Variants in TSPEAR observed in about 807,000 individuals in gnomAD.
The protein encoded by TSPEAR is thrombospondin-type laminin G domain and EAR repeat-containing protein.
A neutral mutation model predicts 71.6 loss-of-function variants in TSPEAR; 69 were observed. The ratio of observed to expected loss-of-function variants is 0.96; its 90% CI spans 0.79 to 1.18. TSPEAR has a LOEUF of 1.18. Among genes scored for constraint, TSPEAR ranks in the 50% most tolerant of loss-of-function variants. TSPEAR has a pLI of 0.00. For synonymous variants in TSPEAR, 402 were observed against 387.2 expected (o/e 1.04, Z -0.45); for missense variants, 971 against 894.9 (o/e 1.09, Z -1.09).
At chr21:44,500,358 T>A (rs1282575046) in intron 11 of TSPEAR, among the ~76,000 whole-genome samples, 1 of 152,192 alleles carries the variant, frequency 6.6e-6, no homozygotes, top group Non-Finnish European at 1.5e-5. Flanking sequence ...TGCCCGCTGC[T>A]CTGCGGCCCC....
At chr21:44,631,877 T>C (rs1293575554) in intron 1 of TSPEAR, among the ~76,000 whole-genome samples, 2 of 152,032 alleles carry the variant, frequency 1.3e-5, no homozygotes, top group Non-Finnish European at 2.9e-5. Context: ...AGAAAAATGA[T>C]AGAGACAGAA....
In TSPEAR at chr21:44,623,019, C is replaced by G. The variant is rs1351905701; in HGVS notation, c.83-55014G>C. ...CTTTTGCCATGTGACATGCCCACTC[C>G]CCCTTCACCTTCCACCATGAGCAAA... On this transcript the variant is annotated intron_variant, in intron 1 of 11. Coordinates refer to ENST00000323084, the MANE Select transcript of TSPEAR (RefSeq NM_144991.3). The surrounding 1 kb of genome is among the most constrained non-coding windows in gnomAD (Gnocchi z 4.5). 6.6e-6 allele frequency among the ~76,000 whole-genome samples: 1 copy of G among 152,170 alleles called. No homozygotes were observed. The highest frequency in any genetic ancestry group is 2.4e-5 in the African/African-American group (1 of 41,428).
At chr21:44,530,371 TTCATCCATCACTC>T (rs1555915607) in intron 4 of TSPEAR, among the ~76,000 whole-genome samples, 1 of 151,902 alleles carries the variant, frequency 6.6e-6, no homozygotes, top group African/African-American at 2.4e-5. Context: ...CATCCACCCA[TTCATCCATCACTC>T]ATCCATCCAT....
chr21:44,553,933 A>C (rs887298467), intron 2 of TSPEAR, among the ~76,000 whole-genome samples: 1 of 152,234 alleles, frequency 6.6e-6, no homozygotes, highest in African/African-American at 2.4e-5. Context: ...AAATTATTAC[A>C]TCTTTCTCAA....
chr21:44,708,001 G>A (rs1423947922), intron 1 of TSPEAR, among the ~76,000 whole-genome samples: 2 of 13,190 alleles, frequency 1.5e-4, no homozygotes, highest in Non-Finnish European at 2.8e-4. Context: ...TCCCCGCCCC[G>A]CGCGTGCACA....
chr21:44,504,619 CGGCCTCGGTG>C (rs2052151514), intron 11 of TSPEAR, among the ~76,000 whole-genome samples, 151 bp downstream of exon 11: 1 of 51,858 alleles, frequency 1.9e-5, no homozygotes, highest in Non-Finnish European at 3.6e-5. Flanking sequence ...TGGAGGAGGC[CGGCCTCGGTG>C]AGCCCACAGT....
Position 44,695,207 on chromosome 21 carries a change from G to A in TSPEAR, c.82+16226C>T, listed in dbSNP as rs1555950306. 1.3e-5 allele frequency among the ~76,000 whole-genome samples: 2 copies of A among 152,304 alleles called. No individual in the cohort carries two copies. The highest frequency in any genetic ancestry group is 4.1e-4 in the South Asian group (2 of 4,822). On this transcript the variant is annotated intron_variant, in intron 1 of 11. Coordinates refer to ENST00000323084, the MANE Select transcript of TSPEAR (RefSeq NM_144991.3). This position sits in a 1 kb window ranked among gnomAD's most constrained non-coding sequence, Gnocchi z 4.5. ...CCCCGACCCCACCCCAACTCCTGTGGCTTTGGGGCATTCACACTCTCCTGG... is the reference window on the plus strand; with the variant it reads ...CCCCGACCCCACCCCAACTCCTGTGACTTTGGGGCATTCACACTCTCCTGG...
At chr21:44,709,550 G>T (rs1010154125) in intron 1 of TSPEAR, among the ~76,000 whole-genome samples, 20 of 152,362 alleles carry the variant, frequency 1.3e-4, no homozygotes, top group African/African-American at 4.8e-4. Flanking sequence ...GAAGGCGCAT[G>T]GGCCCCGTGG....
chr21:44,636,400 G>A (rs9284507), intron 1 of TSPEAR, among the ~76,000 whole-genome samples: 94,465 of 152,030 alleles, frequency 0.62, 29,983 homozygotes, highest in Admixed American at 0.68. Context: ...TACAGGTAGG[G>A]GGTGCTGGGT....
At chr21:44,538,084 C>T (rs1247040547) in intron 2 of TSPEAR, among the ~76,000 whole-genome samples, 5 of 152,194 alleles carry the variant, frequency 3.3e-5, no homozygotes, top group African/African-American at 1.2e-4. Context: ...AGCACCATGT[C>T]CATCAGGCTG....
chr21:44,692,057 A>T, intron 1 of TSPEAR, among the ~76,000 whole-genome samples: 1 of 152,216 alleles, frequency 6.6e-6, no homozygotes, highest in Non-Finnish European at 1.5e-5. Context: ...GCTCCAGATT[A>T]AAAATAATCA....
In TSPEAR at chr21:44,711,401, C is replaced by G. The variant is rs916527533; in HGVS notation, c.82+32G>C. 5 of 1,557,000 alleles carry G rather than the reference C, an allele frequency of 3.2e-6. No homozygotes were observed. The highest frequency in any genetic ancestry group is 4.4e-6 in the Non-Finnish European group (5 of 1,148,024). ...CCCCTCCCAGCTCCCCGGCAAGATA[C>G]CCCCGCCCGAGTTCCCATGCCCCTG... is the stretch of plus-strand genomic sequence containing the variant. On this transcript the variant is annotated intron_variant, in intron 1 of 11. Transcript: ENST00000323084. This position sits in a 1 kb window ranked among gnomAD's most constrained non-coding sequence, Gnocchi z 4.5.
chr21:44,562,895 C>T (rs1601420017), intron 2 of TSPEAR, among the ~76,000 whole-genome samples: 1 of 152,096 alleles, frequency 6.6e-6, no homozygotes, highest in African/African-American at 2.4e-5. Flanking sequence ...CAAGTAACTC[C>T]AGACAGAAAT....
At chr21:44,516,968 C>T (rs1442805036) in intron 9 of TSPEAR, among the ~76,000 whole-genome samples, 2 of 152,182 alleles carry the variant, frequency 1.3e-5, no homozygotes, top group Non-Finnish European at 2.9e-5. Flanking sequence ...GCTCCTGCAC[C>T]CTGGGGCTTT....
At chr21:44,636,750 G>T (rs1419131598) in intron 1 of TSPEAR, among the ~76,000 whole-genome samples, 2 of 152,064 alleles carry the variant, frequency 1.3e-5, no homozygotes, top group African/African-American at 4.8e-5. Flanking sequence ...CCTGACCAGG[G>T]CTCCAGGGGA....
At chr21:44,523,859 G>A (rs1465863929) in intron 8 of TSPEAR, among the ~76,000 whole-genome samples, 2 of 151,892 alleles carry the variant, frequency 1.3e-5, no homozygotes, top group Admixed American at 1.3e-4. Flanking sequence ...CAGTTCAGTG[G>A]CTAGTCAGGT....
chr21:44,629,930 A>G (rs1468698843), intron 1 of TSPEAR, among the ~76,000 whole-genome samples: 1 of 152,168 alleles, frequency 6.6e-6, no homozygotes, highest in Non-Finnish European at 1.5e-5. Flanking sequence ...TGGAAGAGAC[A>G]GGCCACACAG....
In TSPEAR at chr21:44,652,044, C is replaced by T. The variant is rs373327432; in HGVS notation, c.82+59389G>A. Among the ~76,000 whole-genome samples, 42 of 142,138 alleles carry T rather than the reference C, an allele frequency of 3.0e-4. 1 individual carries two copies. The South Asian group carries it at 7.4e-3, about 25-fold the overall frequency. The allele number at this position is 142,138 out of a possible 152,430, so 93.2% of individuals were successfully genotyped here. ...TGTCGCCCAGGCTGGAGTGCAGTGG[C>T]GCGATCTCGGCTCACTGCAAGGTCC... is the stretch of plus-strand genomic sequence containing the variant. On this transcript the variant is annotated intron_variant, in intron 1 of 11. Coordinates refer to ENST00000323084, the MANE Select transcript of TSPEAR (RefSeq NM_144991.3).
chr21:44,517,428 G>A (rs1175543831), intron 9 of TSPEAR: 2 of 230,650 alleles, frequency 8.7e-6, no homozygotes, highest in Admixed American at 1.1e-4. Flanking sequence ...GCTGGGTCAT[G>A]TGACTGGCAC....
Sources: gnomAD v4.1 joint callset for allele counts (sites outside exome capture counted in the v4.1 genomes callset) on GRCh38, gnomAD v4.1.1 for gene constraint, Gnocchi (gnomAD v3.1) non-coding constraint, MANE v1.5 for transcripts, NCBI Gene and HGNC (gene_info 2026-07-23, HGNC 2026-07-21) for gene names.